ADK: variants seen among roughly 807,000 people sequenced by gnomAD.
ADK encodes adenosine kinase.
A neutral mutation model predicts 44.7 loss-of-function variants in ADK; 24 were observed. That is an observed-to-expected ratio of 0.54 (90% confidence interval 0.39 to 0.76). The LOEUF is 0.76. Among genes scored for constraint, ADK ranks in the 30% least tolerant of loss-of-function variants. The pLI, the probability that ADK is intolerant of heterozygous loss-of-function variation, is 0.00. For missense variants in ADK, 321 were observed against 425.1 expected (o/e 0.76, Z 2.15); for synonymous variants, 128 against 142.6 (o/e 0.90, Z 0.73).
At chr10:74,361,047 A>G (rs920643566) in intron 4 of ADK, among the ~76,000 whole-genome samples, 21 of 152,154 alleles carry the variant, frequency 1.4e-4, no homozygotes, top group African/African-American at 5.1e-4. Flanking sequence ...AGCTGGGACT[A>G]CAGGCGTGCA....
chr10:74,370,054 G>T (rs1389483994), intron 4 of ADK, among the ~76,000 whole-genome samples: 1 of 152,032 alleles, frequency 6.6e-6, no homozygotes, highest in Non-Finnish European at 1.5e-5. Context: ...GGCTATACTT[G>T]GGGACAAATC....
At chr10:74,366,615 A>T (rs1028712230) in intron 4 of ADK, among the ~76,000 whole-genome samples, 8 of 152,200 alleles carry the variant, frequency 5.3e-5, no homozygotes, top group African/African-American at 1.4e-4. Flanking sequence ...AACCAAAAAA[A>T]AATTATAAAT....
At chr10:74,275,167 TC>T (rs923969230) in intron 3 of ADK, among the ~76,000 whole-genome samples, 1 of 152,108 alleles carries the variant, frequency 6.6e-6, no homozygotes, top group African/African-American at 2.4e-5. Flanking sequence ...GATCATGACT[TC>T]CAGCTTCTTC....
intron 6 of ADK, among the ~76,000 whole-genome samples, chr10:74,491,290 T>G (rs1847474280): frequency 6.6e-6 from 1 of 152,150 alleles, no homozygotes; most frequent in African/African-American, 2.4e-5. Flanking sequence ...TTACTTTACT[T>G]TGAGTCAGGA....
chr10:74,246,527 A>C (rs1258766749), intron 3 of ADK, among the ~76,000 whole-genome samples: 1 of 152,216 alleles, frequency 6.6e-6, no homozygotes, highest in Admixed American at 6.5e-5. Context: ...AGGACAATAG[A>C]AAGACTGGTT....
chr10:74,300,752 AGCAGCT>A (rs1840004622), intron 3 of ADK, among the ~76,000 whole-genome samples: 1 of 152,230 alleles, frequency 6.6e-6, no homozygotes. Flanking sequence ...GTTATTTGAC[AGCAGCT>A]AATGTAGTTT....
At chr10:74,438,083 G>A (rs1463230997) in intron 6 of ADK, among the ~76,000 whole-genome samples, 2 of 152,124 alleles carry the variant, frequency 1.3e-5, no homozygotes, top group African/African-American at 4.8e-5. Flanking sequence ...TCCATGAGCT[G>A]TTGTCATAAT....
At chr10:74,424,956 G>A (rs1372089954) in intron 6 of ADK, among the ~76,000 whole-genome samples, 1 of 151,452 alleles carries the variant, frequency 6.6e-6, no homozygotes, top group African/African-American at 2.4e-5. Context: ...TTTCTATTTT[G>A]TGCCTAGCCT....
intron 6 of ADK, among the ~76,000 whole-genome samples, chr10:74,504,377 A>G (rs1847974709): frequency 1.3e-5 from 2 of 152,114 alleles, no homozygotes; most frequent in South Asian, 4.1e-4. Context: ...ACCCTTGAAC[A>G]GTGCCGGGGG....
chr10:74,274,732 G>GTATATATATATATATATA (rs754929114), intron 3 of ADK, among the ~76,000 whole-genome samples: 7,082 of 83,476 alleles, frequency 0.085, 775 homozygotes, highest in Non-Finnish European at 0.13. Context: ...TTTAATGTGT[G>GTATATATATATATATATA]TATATATATA....
chr10:74,160,715 GTGTA>G lies in ADK; in HGVS notation c.65+9376_65+9379del, dbSNP rs755354571. Reference sequence around the variant, plus strand: ...GGTGTGTGTGTGTGTGTGTGTGTGTGTGTATGTGTGTGTGTAGGTAGTACTAGGT... The same window carrying G: ...GGTGTGTGTGTGTGTGTGTGTGTGTGTGTGTGTGTGTAGGTAGTACTAGGT... On this transcript the variant is annotated intron_variant, in intron 1 of 10. Coordinates refer to ENST00000539909, the MANE Select transcript of ADK (RefSeq NM_006721.4). Among the ~76,000 whole-genome samples the G allele has an allele frequency of 8.3e-3, 1,251 of 150,440 alleles. 14 individuals carry two copies. The highest frequency in any genetic ancestry group is 0.029 in the African/African-American group (1,172 of 40,624).
intron 7 of ADK, among the ~76,000 whole-genome samples, chr10:74,525,777 C>A (rs1222284622): frequency 6.6e-6 from 1 of 152,118 alleles, no homozygotes; most frequent in African/African-American, 2.4e-5. Flanking sequence ...GCCTCAGCCT[C>A]CTAAGTAGCT....
At chr10:74,628,092 A>G (rs748952133) in intron 9 of ADK, among the ~76,000 whole-genome samples, 25 of 152,204 alleles carry the variant, frequency 1.6e-4, no homozygotes, top group Admixed American at 4.6e-4. Flanking sequence ...CTTGTAAACC[A>G]TCTATACATA....
rs191077243 is a variant in ADK at position 74,689,288 on chromosome 10, T to G, written c.964+19019T>G. 5.1e-3 allele frequency among the ~76,000 whole-genome samples: 770 copies of G among 151,798 alleles called. 6 individuals carry two copies. The highest frequency in any genetic ancestry group is 0.017 in the African/African-American group (715 of 41,444). ...AATAAATAAATAATAAAATAAATAA[T>G]AAAGGATGCTATGGAGAGAATACAT... On this transcript the variant is annotated intron_variant, in intron 10 of 10. Coordinates refer to ENST00000539909, the MANE Select transcript of ADK (RefSeq NM_006721.4).
At chr10:74,345,193 C>G (rs529561238) in intron 4 of ADK, among the ~76,000 whole-genome samples, 7 of 152,050 alleles carry the variant, frequency 4.6e-5, no homozygotes, top group Non-Finnish European at 1.0e-4. Flanking sequence ...TTGTGCCTTT[C>G]TAAGTATTTG....
chr10:74,613,513 A>G (rs1852632687), intron 9 of ADK, among the ~76,000 whole-genome samples: 1 of 152,114 alleles, frequency 6.6e-6, no homozygotes, highest in African/African-American at 2.4e-5. Context: ...TGAGGTGCTT[A>G]TAATTTAACA....
intron 9 of ADK, among the ~76,000 whole-genome samples, chr10:74,628,733 T>C (rs1853307337): frequency 6.6e-6 from 1 of 152,090 alleles, no homozygotes; most frequent in Non-Finnish European, 1.5e-5. Flanking sequence ...ATAGCCAGTG[T>C]CACTTGGAGA....
chr10:74,650,033 T>C (rs1854203814), intron 9 of ADK, among the ~76,000 whole-genome samples: 1 of 152,272 alleles, frequency 6.6e-6, no homozygotes, highest in Admixed American at 6.5e-5. Context: ...ATGTGAACTT[T>C]CCCCTCAGAT....
At chr10:74,648,244 G>A (rs1854122940) in intron 9 of ADK, among the ~76,000 whole-genome samples, 1 of 152,056 alleles carries the variant, frequency 6.6e-6, no homozygotes, top group South Asian at 2.1e-4. Context: ...TGCTAAAAGG[G>A]AATGCTTCAG....
Sources: gnomAD v4.1 joint callset for allele counts (sites outside exome capture counted in the v4.1 genomes callset) on GRCh38, gnomAD v4.1.1 for gene constraint, MANE v1.5 for transcripts, NCBI Gene and HGNC (gene_info 2026-07-23, HGNC 2026-07-21) for gene names.